The following NAALADL2 variants were observed in gnomAD, a reference collection of about 807,000 sequenced individuals.
NAALADL2 encodes N-acetylated alpha-linked acidic dipeptidase like 2, also known as inactive N-acetylated-alpha-linked acidic dipeptidase-like protein 2.
Under a neutral mutation model 87.2 loss-of-function variants are expected in NAALADL2, and 76 were observed. The ratio of observed to expected loss-of-function variants is 0.87; its 90% CI spans 0.72 to 1.05. NAALADL2 has a LOEUF of 1.05. NAALADL2 is among the 50% of genes least tolerant of loss of function. NAALADL2 has a pLI of 0.00. For missense variants in NAALADL2, 1,089 were observed against 945.8 expected (o/e 1.15, Z -1.99); for synonymous variants, 354 against 331.0 (o/e 1.07, Z -0.75).
intron 10 of NAALADL2, among the ~76,000 whole-genome samples, chr3:175,580,084 C>A (rs1158420411): frequency 2.6e-5 from 4 of 152,192 alleles, no homozygotes; most frequent in South Asian, 2.1e-4. Context: ...TAGCAGGAGT[C>A]ATGGCATAAT....
chr3:174,619,430 C>G (rs1720787458), intron 2 of NAALADL2, among the ~76,000 whole-genome samples: 1 of 151,890 alleles, frequency 6.6e-6, no homozygotes. Context: ...AACAATCTCC[C>G]TAGAGTGTGT....
At chr3:174,481,216 A>G (rs1422157060) in intron 1 of NAALADL2, among the ~76,000 whole-genome samples, 1 of 152,088 alleles carries the variant, frequency 6.6e-6, no homozygotes, top group East Asian at 1.9e-4. Flanking sequence ...GGAGTGCAAT[A>G]GCATTAGCAC....
upstream of NAALADL2, among the ~76,000 whole-genome samples, chr3:174,857,082 G>A (rs1478994234): frequency 6.6e-6 from 1 of 152,116 alleles, no homozygotes; most frequent in Non-Finnish European, 1.5e-5. Flanking sequence ...GAATTGTTAA[G>A]GGGTGTCTGG....
chr3:175,323,853 T>TA lies in NAALADL2; in HGVS notation c.940-317dup, dbSNP rs1292622951. ...TGACACGGTGAAACCCTGTCTCTAC[T>TA]AAAAATACAAAAAAATTAGCCGGGT... On this transcript the variant is annotated intron_variant, in intron 4 of 13. Transcript: ENST00000454872. Among the ~76,000 whole-genome samples, 2 of 82,208 alleles carry TA rather than the reference T, an allele frequency of 2.4e-5. 1 individual carries two copies. The allele number at this position is 82,208 out of a possible 152,430, so 53.9% of individuals were successfully genotyped here. A position where few individuals can be genotyped will look rare whatever the true frequency, so the allele number is the denominator to read the frequency against.
rs11721145 is a variant in NAALADL2, at chr3:174,639,319, G to C, written c.-115+88682G>C. Among the ~76,000 whole-genome samples, 1,207 of 152,206 alleles carry C rather than the reference G, an allele frequency of 7.9e-3. 12 individuals are homozygous for C. Among genetic ancestry groups the C allele is most frequent in the Admixed American group, 0.013 (206 of 15,290 alleles). ...ATTATTGAGTTCTTTCAATGTAATG[G>C]AAATTTCCATATCATAAAGTCAAAG... On this transcript the variant is annotated intron_variant, in intron 2 of 3. Coordinates refer to the NAALADL2 transcript ENST00000434257.
chr3:175,332,858 T>C lies in NAALADL2; in HGVS notation c.1090+8533T>C, dbSNP rs1437507893. 2.0e-5 allele frequency among the ~76,000 whole-genome samples: 3 copies of C among 152,182 alleles called. 1 individual carries two copies. Among genetic ancestry groups the C allele is most frequent in the Admixed American group, 2.0e-4 (3 of 15,270 alleles). On this transcript the variant is annotated intron_variant, in intron 5 of 13. Transcript: ENST00000454872. ...CCAACTATTATTGTACTGGAGTCTA[T>C]TTCTCCGTTTAGATCTAATAATGCA...
At position 175,188,808 on chromosome 3, in the gene NAALADL2, A is replaced by G. The variant is rs114594276; in HGVS notation, c.546-45123A>G. Among the ~76,000 whole-genome samples, 344 of 152,140 alleles carry G rather than the reference A, an allele frequency of 2.3e-3. 2 individuals are homozygous for G. The highest frequency in any genetic ancestry group is 8.0e-3 in the African/African-American group (334 of 41,508). The stretch of plus-strand genomic sequence containing the variant: ...CCTCCCAAAGTCGCCATTGTGTGGT[A>G]CCCCAATCCCCTGGGGCTTGAGTTG... On this transcript the variant is annotated intron_variant, in intron 2 of 13. Transcript: ENST00000454872.
intron 4 of NAALADL2, among the ~76,000 whole-genome samples, chr3:175,274,739 G>A (rs1457700554): frequency 6.6e-6 from 1 of 152,114 alleles, no homozygotes; most frequent in East Asian, 1.9e-4. Flanking sequence ...TCCACAAAGT[G>A]TTCAGTTAGT....
chr3:174,855,660 T>C (rs1725757742), upstream of NAALADL2, among the ~76,000 whole-genome samples: 1 of 151,808 alleles, frequency 6.6e-6, no homozygotes, highest in African/African-American at 2.4e-5. Context: ...GTAATTTTAT[T>C]CATTTTCACA....
chr3:175,579,340 T>C (rs1237573815), intron 10 of NAALADL2, among the ~76,000 whole-genome samples: 6 of 152,146 alleles, frequency 3.9e-5, no homozygotes, highest in African/African-American at 1.4e-4. Flanking sequence ...TAGAGGCCAA[T>C]TTTTATGGAC....
At chr3:175,245,301 C>G (rs1747761846) in intron 3 of NAALADL2, among the ~76,000 whole-genome samples, 1 of 152,070 alleles carries the variant, frequency 6.6e-6, no homozygotes, top group South Asian at 2.1e-4. Context: ...AAAGTTTTGC[C>G]TTTCTGACAA....
At position 175,697,857 on chromosome 3, in the gene NAALADL2, GTATA is replaced by G. The variant is rs67168332; in HGVS notation, c.1897-39445_1897-39442del. Among the ~76,000 whole-genome samples the G allele has an allele frequency of 5.8e-3, 523 of 90,048 alleles. 7 individuals carry two copies. The highest frequency in any genetic ancestry group is 0.01 in the Middle Eastern group (1 of 96). 59.1% of individuals were successfully genotyped at this position (90,048 alleles called of 152,430 possible). A position where few individuals can be genotyped will look rare whatever the true frequency, so the allele number is the denominator to read the frequency against. ...TGTATTTATGTATACATATATATGT[GTATA>G]TATGTATGTATACATATATATGTGT... On this transcript the variant is annotated intron_variant, in intron 11 of 13. Transcript: ENST00000454872.
intron 2 of NAALADL2, among the ~76,000 whole-genome samples, chr3:174,697,219 C>T (rs1190741350): frequency 6.6e-6 from 1 of 152,024 alleles, no homozygotes; most frequent in Non-Finnish European, 1.5e-5. Flanking sequence ...ATTGCCTCTT[C>T]TGGGAAGATA....
intron 4 of NAALADL2, among the ~76,000 whole-genome samples, chr3:175,309,216 A>G (rs1309446357): frequency 1.3e-5 from 2 of 151,740 alleles, no homozygotes; most frequent in African/African-American, 4.8e-5. Context: ...ACGGAGTTTC[A>G]CTCTTGTCAT....
At chr3:174,591,910 T>C (rs988765579) in intron 2 of NAALADL2, among the ~76,000 whole-genome samples, 2 of 152,154 alleles carry the variant, frequency 1.3e-5, no homozygotes, top group African/African-American at 4.8e-5. Flanking sequence ...TTGTTTGCCA[T>C]AATACCCTAT....
chr3:174,799,093 C>T (rs1718491246), intron 3 of NAALADL2, among the ~76,000 whole-genome samples: 1 of 151,492 alleles, frequency 6.6e-6, no homozygotes, highest in Admixed American at 6.6e-5. Context: ...TTGCTTGAAC[C>T]TGGGAGGCGG....
intron 1 of NAALADL2, among the ~76,000 whole-genome samples, chr3:174,450,137 T>G (rs934229186): frequency 6.6e-6 from 1 of 152,124 alleles, no homozygotes; most frequent in African/African-American, 2.4e-5. Context: ...TTCAGATTTA[T>G]TTGATCCCAC....
intron 13 of NAALADL2, among the ~76,000 whole-genome samples, chr3:175,768,112 C>A (rs941409387): frequency 6.6e-6 from 1 of 152,008 alleles, no homozygotes; most frequent in Non-Finnish European, 1.5e-5. Context: ...CGGCCCACAC[C>A]GGGTTTTACT....
At chr3:174,880,992 C>CT (rs1729119952) in intron 1 of NAALADL2, among the ~76,000 whole-genome samples, 2 of 152,086 alleles carry the variant, frequency 1.3e-5, no homozygotes, top group African/African-American at 4.8e-5. Flanking sequence ...CATGACCTTC[C>CT]TGTCTTTTTA....
Sources: allele counts gnomAD v4.1 joint callset (sites outside exome capture counted in the v4.1 genomes callset), GRCh38; gene constraint gnomAD v4.1.1; transcripts MANE v1.5; gene names NCBI Gene and HGNC (gene_info 2026-07-23, HGNC 2026-07-21).